TSPAN11: variants seen among roughly 807,000 people sequenced by gnomAD.
The protein encoded by TSPAN11 is tetraspanin-11.
TSPAN11 carries 29 observed loss-of-function variants against 32.9 expected under a neutral mutation model. That is an observed-to-expected ratio of 0.88 (90% CI 0.66 to 1.20). The LOEUF (loss-of-function observed/expected upper bound fraction) is 1.20. TSPAN11 is among the 50% of genes most tolerant of loss of function. TSPAN11 has a pLI of 0.00. For synonymous variants in TSPAN11, 140 were observed against 141.3 expected (o/e 0.99, Z 0.07); for missense variants, 283 against 329.1 (o/e 0.86, Z 1.08).
chr12:30,954,076 G>A lies in TSPAN11; in HGVS notation c.84+1G>A, dbSNP rs751960773. 58 of 1,610,918 alleles carry A rather than the reference G, an allele frequency of 3.6e-5. No homozygotes were observed. Among genetic ancestry groups the A allele is most frequent in the Non-Finnish European group, 3.7e-5 (44 of 1,177,668 alleles). Reference sequence around the variant, plus strand: ...CTTTGTCTTCAACTTCTTCTTCTGGGTGAGTGAATTCTGCACACACATCCT... The same window carrying A: ...CTTTGTCTTCAACTTCTTCTTCTGGATGAGTGAATTCTGCACACACATCCT... On this transcript the variant is annotated splice_donor_variant, in intron 2 of 7. Coordinates refer to ENST00000546076, the MANE Select transcript of TSPAN11 (RefSeq NM_001370302.1). LOFTEE classifies it high-confidence loss of function.
chr12:30,936,906 C>T (rs1007487204), intron 1 of TSPAN11, among the ~76,000 whole-genome samples: 10 of 152,126 alleles, frequency 6.6e-5, no homozygotes, highest in African/African-American at 2.4e-4. Flanking sequence ...GGAAGGAATG[C>T]CATCCTTAAA....
At chr12:31,011,468 C>T in the TSPAN11 span, among the ~76,000 whole-genome samples, 19 of 152,224 alleles carry the variant, frequency 1.2e-4, no homozygotes, top group African/African-American at 4.6e-4. Flanking sequence ...TTAACCACTT[C>T]CATCCCTCCC....
chr12:30,927,773 GT>G (rs1349426844), intron 1 of TSPAN11, among the ~76,000 whole-genome samples: 9 of 152,142 alleles, frequency 5.9e-5, no homozygotes, highest in Admixed American at 5.2e-4. Context: ...CTGGAGACAG[GT>G]TTGAATCAGA....
At chr12:31,001,757 C>T in the TSPAN11 span, among the ~76,000 whole-genome samples, 1 of 152,140 alleles carries the variant, frequency 6.6e-6, no homozygotes, top group East Asian at 1.9e-4. Flanking sequence ...CCCAGCCACT[C>T]CCATGGACTG....
intron 1 of TSPAN11, among the ~76,000 whole-genome samples, chr12:30,946,731 A>C (rs1419095974): frequency 6.6e-6 from 1 of 152,228 alleles, no homozygotes; most frequent in Non-Finnish European, 1.5e-5. Context: ...TCACAGCGTG[A>C]ATGAAAGCCC....
chr12:30,936,854 G>A (rs1443686317), intron 1 of TSPAN11, among the ~76,000 whole-genome samples: 1 of 152,180 alleles, frequency 6.6e-6, no homozygotes, highest in African/African-American at 2.4e-5. Context: ...GTAGCAAAGA[G>A]GAGACAAGAG....
At chr12:30,941,887 G>A (rs1297834731) in intron 1 of TSPAN11, among the ~76,000 whole-genome samples, 1 of 152,196 alleles carries the variant, frequency 6.6e-6, no homozygotes, top group Non-Finnish European at 1.5e-5. Flanking sequence ...CTCACTCTAC[G>A]GCACTTATCA....
chr12:30,930,363 A>C (rs1445642206), intron 1 of TSPAN11, among the ~76,000 whole-genome samples: 1 of 152,198 alleles, frequency 6.6e-6, no homozygotes, highest in Non-Finnish European at 1.5e-5. Flanking sequence ...AGCTGAGTGC[A>C]GACTAAGTGG....
intron 2 of TSPAN11, among the ~76,000 whole-genome samples, chr12:30,959,168 G>A (rs540120033): frequency 2.5e-4 from 38 of 152,210 alleles, no homozygotes; most frequent in Non-Finnish European, 4.7e-4. Context: ...GGCGGCTCCC[G>A]GGTACCAGGC....
chr12:30,949,228 A>T (rs1218540456), intron 1 of TSPAN11, among the ~76,000 whole-genome samples: 1 of 151,896 alleles, frequency 6.6e-6, no homozygotes, highest in African/African-American at 2.4e-5. Context: ...AACTGTTCCA[A>T]CCTCTGCCTG....
At chr12:30,952,010 A>G (rs1284114263) in intron 1 of TSPAN11, among the ~76,000 whole-genome samples, 1 of 152,210 alleles carries the variant, frequency 6.6e-6, no homozygotes, top group Non-Finnish European at 1.5e-5. Context: ...TTTCCCCACC[A>G]CTAATGACTG....
chr12:30,951,540 C>A (rs892315198), intron 1 of TSPAN11, among the ~76,000 whole-genome samples: 7 of 152,122 alleles, frequency 4.6e-5, no homozygotes, highest in Admixed American at 2.6e-4. Flanking sequence ...ATTATTTAAC[C>A]TGTCTAAACC....
At chr12:30,972,207 A>G (rs553611362) in intron 3 of TSPAN11, among the ~76,000 whole-genome samples, 3 of 152,330 alleles carry the variant, frequency 2.0e-5, no homozygotes, top group East Asian at 3.9e-4. Context: ...CACAGAAACC[A>G]GAGTGGAGCT....
chr12:31,011,381 C>T, the TSPAN11 span, among the ~76,000 whole-genome samples: 1 of 152,174 alleles, frequency 6.6e-6, no homozygotes, highest in Admixed American at 6.5e-5. Context: ...TCAGGGGTGC[C>T]GCTGGGGAGC....
intron 3 of TSPAN11, among the ~76,000 whole-genome samples, chr12:30,977,293 T>TCTG: frequency 6.7e-6 from 1 of 148,856 alleles, no homozygotes; most frequent in Non-Finnish European, 1.5e-5. Flanking sequence ...CCGCCCCCGC[T>TCTG]CCGCCGCCAC....
At chr12:30,961,864 G>A (rs1192983033) in intron 2 of TSPAN11, among the ~76,000 whole-genome samples, 2 of 152,024 alleles carry the variant, frequency 1.3e-5, no homozygotes, top group African/African-American at 4.8e-5. Context: ...AAAGAATTCC[G>A]TGCAGGATAT....
chr12:30,981,167 G>C (rs56814048), intron 5 of TSPAN11, among the ~76,000 whole-genome samples: 4,096 of 152,244 alleles, frequency 0.027, 169 homozygotes, highest in African/African-American at 0.093. Flanking sequence ...ATGTGGACAC[G>C]GCCCTCACAC....
intron 3 of TSPAN11, among the ~76,000 whole-genome samples, chr12:30,969,764 C>A (rs769695605): frequency 6.6e-6 from 1 of 152,122 alleles, no homozygotes; most frequent in Non-Finnish European, 1.5e-5. Flanking sequence ...GCATTTCCAG[C>A]ACATTCCTGG....
At chr12:30,974,696 G>A (rs978585233) in intron 3 of TSPAN11, among the ~76,000 whole-genome samples, 2 of 152,210 alleles carry the variant, frequency 1.3e-5, no homozygotes, top group African/African-American at 2.4e-5. Context: ...CTGTTTCTCC[G>A]AAGCTCACAG....
Sources: allele counts gnomAD v4.1 joint callset (sites outside exome capture counted in the v4.1 genomes callset), GRCh38; gene constraint gnomAD v4.1.1; transcripts MANE v1.5; gene names NCBI Gene and HGNC (gene_info 2026-07-23, HGNC 2026-07-21).